The following TNRC6B variants were observed in gnomAD, a reference collection of about 807,000 sequenced individuals.
TNRC6B encodes the protein trinucleotide repeat-containing gene 6B protein.
A neutral mutation model predicts 203.6 loss-of-function variants in TNRC6B; 52 were observed. The ratio of observed to expected loss-of-function variants is 0.26; its 90% CI spans 0.20 to 0.32. The LOEUF (loss-of-function observed/expected upper bound fraction) is 0.32, where lower values mean the gene tolerates loss of function less well. Ranked by LOEUF, TNRC6B falls within the 10% of genes least tolerant of loss-of-function variation. The pLI is 1.00. For synonymous variants in TNRC6B, 838 were observed against 845.7 expected (o/e 0.99, Z 0.16); for missense variants, 1,923 against 2,286.2 (o/e 0.84, Z 3.24).
intron 7 of TNRC6B, among the ~76,000 whole-genome samples, chr22:40,276,203 C>T (rs540932782): frequency 3.3e-5 from 5 of 151,242 alleles, no homozygotes; most frequent in East Asian, 2.0e-4. Context: ...AAAAATTAAC[C>T]GGGCATGGTG....
At chr22:40,225,834 C>A (rs1221946697) in intron 1 of TNRC6B, among the ~76,000 whole-genome samples, 4 of 150,126 alleles carry the variant, frequency 2.7e-5, no homozygotes, top group African/African-American at 9.7e-5. Context: ...AGGGGTAGAT[C>A]ATTCACAGAA....
Position 40,265,297 on chromosome 22 carries a change from A to T in TNRC6B, c.1067A>T (p.Asn356Ile), listed in dbSNP as rs200804069. 312 of 1,614,010 alleles carry T rather than the reference A, an allele frequency of 1.9e-4. No individual in the cohort carries two copies. Among genetic ancestry groups the T allele is most frequent in the Middle Eastern group, 1.7e-3 (10 of 6,060 alleles). The change falls in exon 5 of 23, where the codon AAT becomes ATT. Residue 356 changes from asparagine to isoleucine, a missense_variant. Coordinates refer to ENST00000454349, the MANE Select transcript of TNRC6B (RefSeq NM_001162501.2). ...TCAAAGATGGAAAATGCGGGTGTTA[A>T]TTTTGTTGTCTCTGGCAGAGAACAG... ...QQSKMENAGV[N>I]FVVSGREQAQ... is the part of the protein sequence containing the mutation.
intron 1 of TNRC6B, among the ~76,000 whole-genome samples, chr22:40,242,145 C>T (rs1323735952): frequency 6.6e-6 from 1 of 151,970 alleles, no homozygotes; most frequent in Non-Finnish European, 1.5e-5. Flanking sequence ...TGCTTGTTCT[C>T]CAGCCCTCAG....
At chr22:40,105,126 G>A (rs2068271967) in intron 1 of TNRC6B, among the ~76,000 whole-genome samples, 1 of 152,230 alleles carries the variant, frequency 6.6e-6, no homozygotes, top group Admixed American at 6.5e-5. Flanking sequence ...GAGAAAAGAT[G>A]GGTGGTAAGG....
rs1236614284 is a variant in TNRC6B at position 40,323,678 on chromosome 22, C to G, written c.*437C>G. 8.3e-6 allele frequency: 1 copy of G among 120,954 alleles called. No individual in the cohort carries two copies. Among genetic ancestry groups the G allele is most frequent in the African/African-American group, 3.3e-5 (1 of 30,274 alleles). 7.5% of individuals were successfully genotyped at this position (120,954 alleles called of 1,614,324 possible). On this transcript the variant is annotated 3_prime_UTR_variant, in exon 23 of 23. Transcript: ENST00000454349. Reference sequence around the variant, plus strand: ...TGTTTGCACTGGGTGTGTTTCCGTCCTTAGGTCTACCATGTTTGGGAGGGA... The same window carrying G: ...TGTTTGCACTGGGTGTGTTTCCGTCGTTAGGTCTACCATGTTTGGGAGGGA...
intron 1 of TNRC6B, among the ~76,000 whole-genome samples, chr22:40,103,976 G>A (rs2068261235): frequency 1.3e-5 from 2 of 150,838 alleles, no homozygotes; most frequent in African/African-American, 4.9e-5. Flanking sequence ...AAGAAGGCTG[G>A]GCCCGGTGGC....
chr22:40,250,931 T>C (rs1601920438), intron 2 of TNRC6B, among the ~76,000 whole-genome samples: 1 of 107,412 alleles, frequency 9.3e-6, no homozygotes, highest in Middle Eastern at 4.6e-3. Flanking sequence ...ATGAGTGGAA[T>C]GCTTTTTTTT....
At chr22:40,094,515 G>C (rs2068173008) in intron 1 of TNRC6B, among the ~76,000 whole-genome samples, 1 of 152,182 alleles carries the variant, frequency 6.6e-6, no homozygotes, top group Non-Finnish European at 1.5e-5. Context: ...TGATGAAAGT[G>C]TTGTGAAGCC....
chr22:40,112,218 A>G (rs1303511342), intron 1 of TNRC6B, among the ~76,000 whole-genome samples: 2 of 152,252 alleles, frequency 1.3e-5, no homozygotes. Context: ...CCTGTGAAAC[A>G]GACTGGAAAG....
At chr22:40,050,792 T>C (rs1165190102) in intron 1 of TNRC6B, among the ~76,000 whole-genome samples, 2 of 152,054 alleles carry the variant, frequency 1.3e-5, no homozygotes, top group Non-Finnish European at 2.9e-5. Flanking sequence ...TTTGCTTTTG[T>C]TATTTATTGC....
At chr22:40,238,872 C>T (rs576787584) in intron 1 of TNRC6B, among the ~76,000 whole-genome samples, 1 of 152,320 alleles carries the variant, frequency 6.6e-6, no homozygotes, top group South Asian at 2.1e-4. Context: ...AGCCAAAGCT[C>T]GGTTTTGTTT....
At chr22:40,095,194 T>C (rs1364804712) in intron 1 of TNRC6B, among the ~76,000 whole-genome samples, 1 of 152,232 alleles carries the variant, frequency 6.6e-6, no homozygotes, top group Non-Finnish European at 1.5e-5. Flanking sequence ...TTTTATCAAT[T>C]AGAAATAAAT....
At chr22:40,105,770 A>T (rs935133758) in intron 1 of TNRC6B, among the ~76,000 whole-genome samples, 1 of 152,188 alleles carries the variant, frequency 6.6e-6, no homozygotes, top group Non-Finnish European at 1.5e-5. Context: ...ATGTGCATAC[A>T]TTCTGCTGGG....
At chr22:40,097,136 C>T (rs189517608) in intron 1 of TNRC6B, among the ~76,000 whole-genome samples, 1 of 152,248 alleles carries the variant, frequency 6.6e-6, no homozygotes, top group Non-Finnish European at 1.5e-5. Context: ...ACTGTGTTGT[C>T]TGTGGGCTGG....
rs149149392 is a variant in TNRC6B, at chr22:40,312,485, A to G, written c.4436-20A>G. 1.1e-5 allele frequency: 17 copies of G among 1,598,024 alleles called. No individual in the cohort carries two copies. In the Middle Eastern group the frequency reaches 5.0e-4, roughly 47 times the overall value. On this transcript the variant is annotated intron_variant, in intron 17 of 22. Coordinates refer to ENST00000454349, the MANE Select transcript of TNRC6B (RefSeq NM_001162501.2). ...TTTTTAACGACCTTCCTTCTCTAAT[A>G]TTTGTTTTCCTTGTCTCAGAATTCC...
chr22:40,166,238 T>A (rs7285909), intron 4 of TNRC6B, among the ~76,000 whole-genome samples: 3 of 151,922 alleles, frequency 2.0e-5, no homozygotes, highest in African/African-American at 7.3e-5. Flanking sequence ...AAAAGCAAAC[T>A]AATTTCAAAG....
intron 9 of TNRC6B, 134 bp from the exon 10 acceptor site, chr22:40,279,861 G>T (rs553324528): frequency 1.4e-6 from 1 of 695,618 alleles, no homozygotes; most frequent in Non-Finnish European, 2.4e-6. Flanking sequence ...AGTTTGTCTC[G>T]TCTTATCCCC....
chr22:40,200,214 TCTTGCAAATTTACATAAGTTTGAGA>T, intron 1 of TNRC6B, among the ~76,000 whole-genome samples: 1 of 151,640 alleles, frequency 6.6e-6, no homozygotes, highest in African/African-American at 2.4e-5. Context: ...TTGGTACTAT[TCTTGCAAATTTACATAAGTTTGAGA>T]TTGTTTCAAA....
chr22:40,281,044 T>C, intron 10 of TNRC6B, 75 bp from the exon 11 acceptor site: 1 of 1,266,748 alleles, frequency 7.9e-7, no homozygotes, highest in South Asian at 1.6e-5. Context: ...AGTGTTTCTC[T>C]CTTTTCCCTT....
Sources: gnomAD v4.1 joint callset for allele counts (sites outside exome capture counted in the v4.1 genomes callset) on GRCh38, gnomAD v4.1.1 for gene constraint, MANE v1.5 for transcripts, NCBI Gene and HGNC (gene_info 2026-07-23, HGNC 2026-07-21) for gene names.